MKLN1: variants seen among roughly 807,000 people sequenced by gnomAD.
The protein encoded by MKLN1 is muskelin 1, also known as muskelin.
MKLN1 carries 18 observed loss-of-function variants against 99.0 expected under a neutral mutation model. That is an observed-to-expected ratio of 0.18 (90% CI 0.13 to 0.27). The LOEUF is 0.27. Among genes scored for constraint, MKLN1 ranks in the 10% least tolerant of loss-of-function variants. MKLN1 has a pLI of 1.00. For missense variants in MKLN1, 621 were observed against 875.9 expected (o/e 0.71, Z 3.67); for synonymous variants, 288 against 293.2 (o/e 0.98, Z 0.18).
chr7:131,233,989 A>AT (rs1797279503), intron 3 of MKLN1, among the ~76,000 whole-genome samples: 8 of 151,838 alleles, frequency 5.3e-5, no homozygotes, highest in Admixed American at 3.9e-4. Context: ...ATTTTATTTT[A>AT]TTTTTTTGAG....
At chr7:131,333,790 G>A (rs761380757) in intron 1 of MKLN1, among the ~76,000 whole-genome samples, 3 of 152,034 alleles carry the variant, frequency 2.0e-5, no homozygotes, top group Admixed American at 2.0e-4. Flanking sequence ...CGCCCACCTC[G>A]GCCTTCCAAA....
rs972870955 is a variant in MKLN1, at chr7:131,255,312, C to A, written c.-179+52338C>A. 5.9e-5 allele frequency among the ~76,000 whole-genome samples: 9 copies of A among 152,182 alleles called. No individual in the cohort carries two copies. The South Asian group carries it at 1.9e-3, about 32-fold the overall frequency. ...TTCAAGTAACTCCAAATACAATAAA[C>A]ACAAAGAGAACCATACCCAGACACA... is the stretch of plus-strand genomic sequence containing the variant. On this transcript the variant is annotated intron_variant, in intron 3 of 7. Transcript: ENST00000416992.
chr7:131,393,162 T>C (rs1794256843), intron 4 of MKLN1, among the ~76,000 whole-genome samples: 2 of 152,162 alleles, frequency 1.3e-5, no homozygotes, highest in South Asian at 4.1e-4. Flanking sequence ...GATTGTCCAA[T>C]GGGGAAAACT....
chr7:131,361,314 T>C (rs1418513037), intron 1 of MKLN1, among the ~76,000 whole-genome samples: 2 of 151,902 alleles, frequency 1.3e-5, no homozygotes, highest in African/African-American at 4.8e-5. Context: ...GGATATTGTT[T>C]CTTTTTTTTC....
At chr7:131,136,844 C>T (rs1467807466) in intron 1 of MKLN1, among the ~76,000 whole-genome samples, 1 of 152,134 alleles carries the variant, frequency 6.6e-6, no homozygotes, top group Non-Finnish European at 1.5e-5. Context: ...CTGCAGGAGG[C>T]CTTCCTCACC....
intron 16 of MKLN1, among the ~76,000 whole-genome samples, chr7:131,477,113 AACAT>A (rs1796988183): frequency 6.6e-6 from 1 of 152,216 alleles, no homozygotes; most frequent in South Asian, 2.1e-4. Flanking sequence ...TTGGGAAGAA[AACAT>A]AGGAGATTAT....
chr7:131,436,279 TTTATG>T (rs973633101), intron 9 of MKLN1, among the ~76,000 whole-genome samples: 2 of 152,208 alleles, frequency 1.3e-5, no homozygotes, highest in African/African-American at 4.8e-5. Context: ...ATACTGCCTT[TTTATG>T]TTATATCTTG....
At chr7:131,281,909 A>G (rs1276138447) in intron 3 of MKLN1, among the ~76,000 whole-genome samples, 1 of 151,968 alleles carries the variant, frequency 6.6e-6, no homozygotes, top group African/African-American at 2.4e-5. Flanking sequence ...CCTGGCCTCA[A>G]GCGTCCTCCC....
At chr7:131,283,452 C>G (rs1798088968) in intron 3 of MKLN1, among the ~76,000 whole-genome samples, 1 of 140,702 alleles carries the variant, frequency 7.1e-6, no homozygotes, top group African/African-American at 2.6e-5. Context: ...TTTTTTGAGA[C>G]AGCATCTCAC....
chr7:131,450,778 C>T (rs1796155570), intron 12 of MKLN1, among the ~76,000 whole-genome samples: 1 of 152,218 alleles, frequency 6.6e-6, no homozygotes, highest in Non-Finnish European at 1.5e-5. Flanking sequence ...CCAAAATTCT[C>T]TAATGCCTTA....
At chr7:131,212,784 A>G (rs1796924829) in intron 3 of MKLN1, among the ~76,000 whole-genome samples, 2 of 152,070 alleles carry the variant, frequency 1.3e-5, no homozygotes, top group Non-Finnish European at 2.9e-5. Flanking sequence ...TTAGCCGGGC[A>G]TGATGGTGCA....
chr7:131,438,719 C>T (rs962151330), intron 10 of MKLN1, among the ~76,000 whole-genome samples: 1 of 151,386 alleles, frequency 6.6e-6, no homozygotes, highest in African/African-American at 2.4e-5. Flanking sequence ...AACCCATGTC[C>T]AAAGTTTTTT....
chr7:131,168,330 C>T (rs1796165645), intron 2 of MKLN1, among the ~76,000 whole-genome samples: 1 of 152,094 alleles, frequency 6.6e-6, no homozygotes, highest in Non-Finnish European at 1.5e-5. Flanking sequence ...TCCTCTTTGC[C>T]ACTCTTCCTG....
rs573421606 is a variant in MKLN1 at position 131,386,258 on chromosome 7, C to T, written c.169-862C>T. ...CAAACCCCTGACCTTGTGATCCGCCCACCTCGGCCTCCCAAAGTGCTGGGA... is the reference window on the plus strand; with the variant it reads ...CAAACCCCTGACCTTGTGATCCGCCTACCTCGGCCTCCCAAAGTGCTGGGA... On this transcript the variant is annotated intron_variant, in intron 2 of 17. Transcript: ENST00000352689. Among the ~76,000 whole-genome samples the T allele has an allele frequency of 1.8e-4, 28 of 152,208 alleles. 1 individual carries two copies. The South Asian group carries it at 5.6e-3, about 30-fold the overall frequency.
At chr7:131,475,134 A>G (rs1197089520) in intron 16 of MKLN1, among the ~76,000 whole-genome samples, 1 of 152,242 alleles carries the variant, frequency 6.6e-6, no homozygotes, top group Non-Finnish European at 1.5e-5. Flanking sequence ...TCACCAAGAA[A>G]AAAAGTGAAA....
intron 3 of MKLN1, among the ~76,000 whole-genome samples, chr7:131,236,487 C>T (rs1563262411): frequency 6.6e-6 from 1 of 152,020 alleles, no homozygotes; most frequent in Non-Finnish European, 1.5e-5. Flanking sequence ...ATGGTGAAAC[C>T]CCGACTCTAC....
intron 3 of MKLN1, among the ~76,000 whole-genome samples, chr7:131,203,955 C>G (rs1796767725): frequency 6.6e-6 from 1 of 152,174 alleles, no homozygotes; most frequent in Non-Finnish European, 1.5e-5. Context: ...GAAAAACTAT[C>G]TTGATTTAGA....
chr7:131,421,759 TTAAAG>T (rs1468533655), intron 8 of MKLN1, among the ~76,000 whole-genome samples: 1 of 152,186 alleles, frequency 6.6e-6, no homozygotes, highest in African/African-American at 2.4e-5. Flanking sequence ...TGGAAATGTT[TTAAAG>T]TAATTAAAAA....
intron 2 of MKLN1, among the ~76,000 whole-genome samples, chr7:131,376,222 A>G (rs1390639345): frequency 2.0e-5 from 3 of 149,030 alleles, no homozygotes; most frequent in Admixed American, 2.0e-4. Context: ...ACATGTCTAA[A>G]GAATATATAT....
Sources: allele counts gnomAD v4.1 joint callset (sites outside exome capture counted in the v4.1 genomes callset), GRCh38; gene constraint gnomAD v4.1.1; transcripts MANE v1.5; gene names NCBI Gene and HGNC (gene_info 2026-07-23, HGNC 2026-07-21).